The following HMGCL variants were observed in gnomAD, a reference collection of about 807,000 sequenced individuals.
HMGCL encodes the protein 3-hydroxy-3-methylglutaryl-CoA lyase, also known as hydroxymethylglutaryl-CoA lyase, mitochondrial.
HMGCL carries 26 observed loss-of-function variants against 37.3 expected under a neutral mutation model. The ratio of observed to expected loss-of-function variants is 0.70; its 90% CI spans 0.51 to 0.97. HMGCL has a LOEUF of 0.97. Ranked by LOEUF, HMGCL falls within the 50% of genes least tolerant of loss-of-function variation. HMGCL has a pLI of 0.00. For synonymous variants in HMGCL, 151 were observed against 148.0 expected (o/e 1.02, Z -0.15); for missense variants, 379 against 398.1 (o/e 0.95, Z 0.41).
At chr1:23,807,406 G>A in intron 7 of HMGCL, 1 of 356,326 alleles carries the variant, frequency 2.8e-6, no homozygotes, top group Non-Finnish European at 5.5e-6. Flanking sequence ...GGGGATAATT[G>A]AGAGGAAAAA....
At chr1:23,824,045 C>T (rs1188799001) in intron 1 of HMGCL, among the ~76,000 whole-genome samples, 1 of 152,152 alleles carries the variant, frequency 6.6e-6, no homozygotes, top group Non-Finnish European at 1.5e-5. Flanking sequence ...TTCGTTCGGT[C>T]CACAGTCTTC....
intron 6 of HMGCL, chr1:23,809,839 C>G (rs546577131): frequency 6.6e-6 from 1 of 152,320 alleles, no homozygotes; most frequent in African/African-American, 2.4e-5. Flanking sequence ...GAAATGGTGA[C>G]GTCGCTTCCC....
chr1:23,813,227 G>GTTTTTTTTTTTTTT (rs58260499), intron 5 of HMGCL, among the ~76,000 whole-genome samples: 2 of 70,800 alleles, frequency 2.8e-5, no homozygotes, highest in Non-Finnish European at 5.3e-5. Flanking sequence ...TGGCTGCAAT[G>GTTTTTTTTTTTTTT]TTTTTTTTTT....
chr1:23,811,137 G>A (rs1053697030), intron 5 of HMGCL, among the ~76,000 whole-genome samples: 2 of 152,156 alleles, frequency 1.3e-5, no homozygotes, highest in Non-Finnish European at 2.9e-5. Context: ...AAAACTACGT[G>A]CCAGAGGAGC....
At chr1:23,805,241 G>C (rs906170106) in intron 7 of HMGCL, among the ~76,000 whole-genome samples, 1 of 152,072 alleles carries the variant, frequency 6.6e-6, no homozygotes. Context: ...ACCTGCTTCA[G>C]GATGTGCTCC....
At chr1:23,817,437 T>A (rs1441871912) in intron 3 of HMGCL, 39 bp downstream of exon 3, 1 of 1,206,186 alleles carries the variant, frequency 8.3e-7, no homozygotes, top group South Asian at 1.2e-5. Flanking sequence ...AAACTTTTCA[T>A]CCCTAGAGAA....
intron 5 of HMGCL, chr1:23,813,869 T>C (rs944723442): frequency 4.9e-6 from 2 of 405,192 alleles, no homozygotes; most frequent in Non-Finnish European, 9.3e-6. Flanking sequence ...TTTAGCATGA[T>C]AGCAGTGGTG....
At chr1:23,822,097 G>A (rs569589245) in intron 1 of HMGCL, among the ~76,000 whole-genome samples, 139 of 152,230 alleles carry the variant, frequency 9.1e-4, no homozygotes, top group Non-Finnish European at 1.5e-3. Context: ...GTTTGGCACC[G>A]TGTTTGGTAC....
rs1472212511 is a variant in HMGCL at position 23,825,351 on chromosome 1, C to G, written c.60+5G>C. 6.4e-7 allele frequency: 1 copy of G among 1,556,096 alleles called. No homozygotes were observed. Among genetic ancestry groups the G allele is most frequent in the African/African-American group, 1.4e-5 (1 of 73,344 alleles). Reference sequence around the variant, plus strand: ...GCCGCCGCCTCGGCGGCTCGGGGCACTTACAGCCCGGAGGGACGCCAAGCC... The same window carrying G: ...GCCGCCGCCTCGGCGGCTCGGGGCAGTTACAGCCCGGAGGGACGCCAAGCC... On this transcript the variant is annotated splice_donor_5th_base_variant and intron_variant, in intron 1 of 8. Transcript: ENST00000374490.
In HMGCL at chr1:23,806,871, T is replaced by C. The variant is rs1292325053; in HGVS notation, c.750+1264A>G. 4.2e-6 allele frequency: 2 copies of C among 471,414 alleles called. No homozygotes were observed. Among genetic ancestry groups the C allele is most frequent in the African/African-American group, 3.9e-5 (2 of 50,648 alleles). 29.2% of individuals were successfully genotyped at this position (471,414 alleles called of 1,614,324 possible). A position where few individuals can be genotyped will look rare whatever the true frequency, so the allele number is the denominator to read the frequency against. ...TTACACGCCTGTAATCTTCCATCTG[T>C]CTTCCCCACCCACCATAACATGAGC... On this transcript the variant is annotated intron_variant, in intron 7 of 8. Coordinates refer to ENST00000374490, the MANE Select transcript of HMGCL (RefSeq NM_000191.3). This position sits in a 1 kb window ranked among gnomAD's most constrained non-coding sequence, Gnocchi z 4.0.
At chr1:23,815,593 T>G (rs1034042182) in intron 4 of HMGCL, among the ~76,000 whole-genome samples, 1 of 151,662 alleles carries the variant, frequency 6.6e-6, no homozygotes, top group Admixed American at 6.6e-5. Flanking sequence ...CCTTCCGGGT[T>G]CAAGTGATTC....
chr1:23,823,271 C>T (rs1414337466), intron 1 of HMGCL, among the ~76,000 whole-genome samples: 1 of 152,002 alleles, frequency 6.6e-6, no homozygotes, highest in Non-Finnish European at 1.5e-5. Flanking sequence ...CCTTCCTTCC[C>T]CGTAACAGCT....
rs1638416625 is a variant in HMGCL at position 23,806,667 on chromosome 1, G to T, written c.750+1468C>A. 9.6e-6 allele frequency: 3 copies of T among 311,084 alleles called. No individual in the cohort carries two copies. The highest frequency in any genetic ancestry group is 8.3e-5 in the South Asian group (3 of 36,090). 19.3% of individuals were successfully genotyped at this position (311,084 alleles called of 1,614,324 possible). A position where few individuals can be genotyped will look rare whatever the true frequency, so the allele number is the denominator to read the frequency against. ...TCTCCACAGTGTTTATGAACACCTG[G>T]CCTGCTGTATGTTTGTTTATTTATT... On this transcript the variant is annotated intron_variant, in intron 7 of 8. Transcript: ENST00000374490. The surrounding 1 kb of genome is among the most constrained non-coding windows in gnomAD (Gnocchi z 4.0).
chr1:23,815,996 G>A (rs1405539906), intron 4 of HMGCL, among the ~76,000 whole-genome samples: 1 of 150,932 alleles, frequency 6.6e-6, no homozygotes, highest in African/African-American at 2.4e-5. Flanking sequence ...ATGGCTCACT[G>A]CAGCCTCGAA....
At chr1:23,812,756 G>A (rs904954588) in intron 5 of HMGCL, among the ~76,000 whole-genome samples, 2 of 152,174 alleles carry the variant, frequency 1.3e-5, no homozygotes, top group South Asian at 2.1e-4. Context: ...GAACTTGAAC[G>A]GTACGGCTAC....
At chr1:23,812,400 A>G (rs1477780260) in intron 5 of HMGCL, among the ~76,000 whole-genome samples, 1 of 152,152 alleles carries the variant, frequency 6.6e-6, no homozygotes, top group Non-Finnish European at 1.5e-5. Flanking sequence ...TCTTTCACCC[A>G]TGCTGGTGTG....
rs532583963 is a variant in HMGCL at position 23,816,602 on chromosome 1, G to A, written c.348+73C>T. The A allele has an allele frequency of 1.9e-4, 177 of 934,224 alleles. 2 individuals are homozygous for A. The South Asian group carries it at 2.2e-3, about 11-fold the overall frequency. The allele number at this position is 934,224 out of a possible 1,614,324, so 57.9% of individuals were successfully genotyped here. A position where few individuals can be genotyped will look rare whatever the true frequency, so the allele number is the denominator to read the frequency against. ...GGACATCCCAGGACAGGGGACTGAG[G>A]CGCCAAGACAAGGCAGGGACCAATG... On this transcript the variant is annotated intron_variant, in intron 4 of 8. Transcript: ENST00000374490.
intron 1 of HMGCL, among the ~76,000 whole-genome samples, chr1:23,821,770 T>C (rs2473377): frequency 0.63 from 95,092 of 151,918 alleles, 30,039 homozygotes; most frequent in African/African-American, 0.73. Context: ...TCGCCCCTAC[T>C]GTCCACTCCC....
At chr1:23,823,983 C>G (rs1367643156) in intron 1 of HMGCL, among the ~76,000 whole-genome samples, 2 of 152,146 alleles carry the variant, frequency 1.3e-5, no homozygotes, top group Non-Finnish European at 2.9e-5. Context: ...GGCAGTGTGG[C>G]TCTAGAGCAC....
Sources: allele counts gnomAD v4.1 joint callset (sites outside exome capture counted in the v4.1 genomes callset), GRCh38; gene constraint gnomAD v4.1.1; non-coding constraint Gnocchi (gnomAD v3.1); transcripts MANE v1.5; gene names NCBI Gene and HGNC (gene_info 2026-07-23, HGNC 2026-07-21).